The following MGMT variants were observed in gnomAD, a reference collection of about 807,000 sequenced individuals.
The protein encoded by MGMT is methylated-DNA--protein-cysteine methyltransferase.
In MGMT, 14 loss-of-function variants were observed where a neutral mutation model predicts 15.9. The observed-to-expected ratio is 0.88, with a 90% CI of 0.58 to 1.37. The LOEUF is 1.37. Among genes scored for constraint, MGMT ranks in the 40% most tolerant of loss-of-function variants. MGMT has a pLI of 0.00. For missense variants in MGMT, 282 were observed against 268.1 expected (o/e 1.05, Z -0.36); for synonymous variants, 130 against 118.2 (o/e 1.10, Z -0.65).
chr10:129,685,944 A>G (rs931794490), intron 2 of MGMT, among the ~76,000 whole-genome samples: 9 of 152,248 alleles, frequency 5.9e-5, no homozygotes, highest in Non-Finnish European at 1.0e-4. Flanking sequence ...GGATTGGCCA[A>G]TAAACCTTTT....
In MGMT at chr10:129,610,437, C is replaced by T. The variant is rs541325962; in HGVS notation, c.125+74060C>T. On this transcript the variant is annotated intron_variant, in intron 2 of 4. Coordinates refer to ENST00000651593, the MANE Select transcript of MGMT (RefSeq NM_002412.5). ...TGCCAAGTATGCCCCACCCCAGGGC[C>T]TTGGCATGTGCCTGGAACACTTGAG... 2.6e-3 allele frequency among the ~76,000 whole-genome samples: 403 copies of T among 152,362 alleles called. 1 individual carries two copies. Among genetic ancestry groups the T allele is most frequent in the African/African-American group, 9.2e-3 (381 of 41,592 alleles).
chr10:129,716,250 C>T (rs1014017967), intron 3 of MGMT, among the ~76,000 whole-genome samples: 2 of 152,202 alleles, frequency 1.3e-5, no homozygotes, highest in Non-Finnish European at 2.9e-5. Context: ...TGGTAACGCC[C>T]AGGAAGCACC....
intron 3 of MGMT, among the ~76,000 whole-genome samples, chr10:129,737,961 G>C (rs181343216): frequency 4.6e-5 from 7 of 152,218 alleles, no homozygotes; most frequent in Non-Finnish European, 8.8e-5. Flanking sequence ...CTTCAAAGCT[G>C]TCAGACAGGG....
chr10:129,483,459 A>T (rs1380302031), intron 1 of MGMT, among the ~76,000 whole-genome samples: 1 of 152,010 alleles, frequency 6.6e-6, no homozygotes, highest in Non-Finnish European at 1.5e-5. Context: ...CTGGTGTCTG[A>T]ATTGTCATGC....
intron 2 of MGMT, among the ~76,000 whole-genome samples, chr10:129,645,259 A>G (rs186482964): frequency 6.6e-6 from 1 of 151,326 alleles, no homozygotes; most frequent in Admixed American, 6.6e-5. Context: ...AGCTGGGTTT[A>G]TAGGCGCCCA....
At position 129,748,234 on chromosome 10, in the gene MGMT, A is replaced by AT. The variant is rs369358924; in HGVS notation, c.275-10961dup. On this transcript the variant is annotated intron_variant, in intron 3 of 4. Coordinates refer to ENST00000651593, the MANE Select transcript of MGMT (RefSeq NM_002412.5). ...CCCTCACCTATTTCTGTATTCAGTC[A>AT]TTTTTTTATGTTAGTATGGACTCAG... Among the ~76,000 whole-genome samples the AT allele has an allele frequency of 4.2e-3, 633 of 152,172 alleles. 7 individuals are homozygous for AT. Among genetic ancestry groups the AT allele is most frequent in the African/African-American group, 0.015 (604 of 41,518 alleles).
intron 2 of MGMT, among the ~76,000 whole-genome samples, chr10:129,542,836 G>A (rs1846058410): frequency 6.6e-6 from 1 of 152,188 alleles, no homozygotes; most frequent in Admixed American, 6.5e-5. Context: ...TGTCGGTGAG[G>A]CCTGTCCACG....
At chr10:129,737,576 G>C (rs1564779673) in intron 3 of MGMT, among the ~76,000 whole-genome samples, 1 of 152,214 alleles carries the variant, frequency 6.6e-6, no homozygotes, top group African/African-American at 2.4e-5. Context: ...TCTCCATCCA[G>C]CTTTGTTCCG....
chr10:129,523,350 C>T (rs919326945), intron 1 of MGMT, among the ~76,000 whole-genome samples: 7 of 152,186 alleles, frequency 4.6e-5, no homozygotes, highest in Admixed American at 1.3e-4. Flanking sequence ...GAAGTTCTAG[C>T]GGGACTAGTT....
intron 3 of MGMT, among the ~76,000 whole-genome samples, chr10:129,711,757 G>A (rs1848235783): frequency 6.6e-6 from 1 of 152,120 alleles, no homozygotes; most frequent in Admixed American, 6.5e-5. Flanking sequence ...GCTTTTTAAG[G>A]AGGTAATTTT....
In MGMT at chr10:129,621,777, A is replaced by C. The variant is rs116187999; in HGVS notation, c.125+85400A>C. Among the ~76,000 whole-genome samples the C allele has an allele frequency of 5.5e-3, 831 of 152,342 alleles. 6 individuals carry two copies. Among genetic ancestry groups the C allele is most frequent in the African/African-American group, 0.019 (788 of 41,570 alleles). On this transcript the variant is annotated intron_variant, in intron 2 of 4. Coordinates refer to ENST00000651593, the MANE Select transcript of MGMT (RefSeq NM_002412.5). ...CCTTTCCTATCGAATTTGCTTTTCA[A>C]AAATAGTGTGGACATTAAAAAGCCA...
chr10:129,628,785 A>G (rs1847179239), intron 2 of MGMT, among the ~76,000 whole-genome samples: 1 of 152,140 alleles, frequency 6.6e-6, no homozygotes, highest in Admixed American at 6.5e-5. Flanking sequence ...AAAATACTTG[A>G]ACTTGAATTC....
chr10:129,721,412 C>T (rs1848369975), intron 3 of MGMT, among the ~76,000 whole-genome samples: 1 of 152,186 alleles, frequency 6.6e-6, no homozygotes, highest in African/African-American at 2.4e-5. Context: ...ATTTGTAAAC[C>T]ACATGAAACC....
chr10:129,514,704 G>A (rs1362316531), intron 1 of MGMT, among the ~76,000 whole-genome samples: 1 of 152,168 alleles, frequency 6.6e-6, no homozygotes, highest in African/African-American at 2.4e-5. Flanking sequence ...AAGAGGTAGA[G>A]CCCTCGACGA....
rs1157452840 is a variant in MGMT, at chr10:129,759,250, T to C, written c.323T>C (p.Phe108Ser). ...TGGAAGCTGCTGAAGGTTGTGAAATTCGGAGAAGTGATTTCTTACCAGCAA... is the reference window on the plus strand; with the variant it reads ...TGGAAGCTGCTGAAGGTTGTGAAATCCGGAGAAGTGATTTCTTACCAGCAA... ...VLWKLLKVVK[F>S]GEVISYQQLA... Residue 108 changes from phenylalanine to serine, a missense_variant, in exon 4 of 5, where the codon TTC becomes TCC. Phe to Ser is a radical substitution (Grantham distance 155). Coordinates refer to ENST00000651593, the MANE Select transcript of MGMT (RefSeq NM_002412.5). 1 of 1,614,176 alleles carries C rather than the reference T, an allele frequency of 6.2e-7. No individual in the cohort carries two copies. Among genetic ancestry groups the C allele is most frequent in the East Asian group, 2.2e-5 (1 of 44,878 alleles).
chr10:129,667,531 A>G (rs1847673124), intron 2 of MGMT, among the ~76,000 whole-genome samples: 1 of 152,068 alleles, frequency 6.6e-6, no homozygotes, highest in African/African-American at 2.4e-5. Flanking sequence ...TTCCACTCTG[A>G]TGGACATTTG....
At chr10:129,543,375 CAGAGCTCCTCTCT>C (rs770987905) in intron 2 of MGMT, among the ~76,000 whole-genome samples, 11 of 152,158 alleles carry the variant, frequency 7.2e-5, no homozygotes, top group Non-Finnish European at 1.0e-4. Flanking sequence ...AAGGGCAGGT[CAGAGCTCCTCTCT>C]ACAGCACTGC....
chr10:129,549,443 G>A (rs987350263), intron 2 of MGMT, among the ~76,000 whole-genome samples: 3 of 152,152 alleles, frequency 2.0e-5, no homozygotes, highest in African/African-American at 4.8e-5. Flanking sequence ...ATCTGAGGGC[G>A]AGAAGAATGT....
At chr10:129,580,711 G>A (rs949132140) in intron 2 of MGMT, among the ~76,000 whole-genome samples, 7 of 152,264 alleles carry the variant, frequency 4.6e-5, no homozygotes, top group Non-Finnish European at 8.8e-5. Flanking sequence ...CTTGTCCCCC[G>A]ACCACAGACA....
Sources: gnomAD v4.1 joint callset for allele counts (sites outside exome capture counted in the v4.1 genomes callset) on GRCh38, gnomAD v4.1.1 for gene constraint, MANE v1.5 for transcripts, NCBI Gene and HGNC (gene_info 2026-07-23, HGNC 2026-07-21) for gene names.